RANGAP1: variants seen among roughly 807,000 people sequenced by gnomAD.
The protein encoded by RANGAP1 is Ran GTPase activating protein 1.
Under a neutral mutation model 63.5 loss-of-function variants are expected in RANGAP1, and 38 were observed. The observed-to-expected ratio is 0.60, with a 90% confidence interval of 0.46 to 0.78. RANGAP1 has a LOEUF of 0.78. RANGAP1 is among the 30% of genes least tolerant of loss of function. The probability of loss-of-function intolerance (pLI) is 0.00; values close to 1 mark genes in which losing one functional copy is unlikely to be tolerated. For missense variants in RANGAP1, 630 were observed against 740.3 expected, an observed-to-expected ratio of 0.85 and a Z score of 1.73; for synonymous variants, 329 against 310.5, an observed-to-expected ratio of 1.06 and a Z score of -0.63.
chr22:41,270,304 C>G (rs1341902291), intron 3 of RANGAP1, among the ~76,000 whole-genome samples: 1 of 151,982 alleles, frequency 6.6e-6, no homozygotes, highest in Non-Finnish European at 1.5e-5. Context: ...CCGCGCCCAG[C>G]TAATTTTTAT....
intron 12 of RANGAP1, among the ~76,000 whole-genome samples, chr22:41,251,720 A>G (rs1000256056): frequency 6.6e-6 from 1 of 152,194 alleles, no homozygotes; most frequent in Non-Finnish European, 1.5e-5. Context: ...CAATACTCAC[A>G]TGCAGAAACG....
At chr22:41,285,436 G>T in intron 1 of RANGAP1, 1 of 916,484 alleles carries the variant, frequency 1.1e-6, no homozygotes, top group Non-Finnish European at 1.3e-6. Context: ...CAGCGCCAGA[G>T]CAAAAGCAAA....
At chr22:41,251,779 G>A (rs930315921) in intron 12 of RANGAP1, among the ~76,000 whole-genome samples, 6 of 152,134 alleles carry the variant, frequency 3.9e-5, no homozygotes, top group African/African-American at 7.2e-5. Context: ...GTCAGAAACA[G>A]TGCCTGGCTT....
Position 41,246,550 on chromosome 22 carries a change from G to A in RANGAP1, c.*53C>T, listed in dbSNP as rs1221043738. 19 of 1,477,438 alleles carry A rather than the reference G, an allele frequency of 1.3e-5. No homozygotes were observed. Among genetic ancestry groups the A allele is most frequent in the Non-Finnish European group, 1.6e-5 (17 of 1,079,886 alleles). 91.5% of individuals were successfully genotyped at this position (1,477,438 alleles called of 1,614,324 possible). On this transcript the variant is annotated 3_prime_UTR_variant, in exon 16 of 16. Transcript: ENST00000356244. ...GCGTAGGCTGCGCCTCAGTTCATCC[G>A]AGTCCCTCCCCAGCTCACTGGTCCA...
chr22:41,290,488 C>T (rs1256414534), upstream of RANGAP1, among the ~76,000 whole-genome samples: 1 of 152,094 alleles, frequency 6.6e-6, no homozygotes, highest in East Asian at 1.9e-4. Flanking sequence ...CTTGGCTTCC[C>T]AAAGTGCTGG....
intron 2 of RANGAP1, among the ~76,000 whole-genome samples, chr22:41,276,914 A>G (rs1273231606): frequency 6.8e-6 from 1 of 147,062 alleles, no homozygotes; most frequent in East Asian, 2.2e-4. Context: ...GGGACCCAGG[A>G]GGCGGAGGTA....
intron 1 of RANGAP1, among the ~76,000 whole-genome samples, chr22:41,284,538 A>T (rs1239913875): frequency 6.6e-6 from 1 of 151,788 alleles, no homozygotes; most frequent in Non-Finnish European, 1.5e-5. Context: ...TTGCACTCCA[A>T]CGTGGGCAAC....
At chr22:41,273,766 C>CAAAAAAAAAAAACAAAAAA (rs2034973276) in intron 3 of RANGAP1, among the ~76,000 whole-genome samples, 1 of 24,350 alleles carries the variant, frequency 4.1e-5, no homozygotes, top group Non-Finnish European at 7.1e-5. Context: ...GACTCCATCT[C>CAAAAAAAAAAAACAAAAAA]AAAAAAAAAA....
chr22:41,274,814 C>G, intron 2 of RANGAP1, 87 bp from the exon 3 acceptor site: 1 of 1,547,080 alleles, frequency 6.5e-7, no homozygotes. Context: ...CCTTGCCACT[C>G]AACAGTCTAT....
chr22:41,300,127 G>A, the RANGAP1 span, among the ~76,000 whole-genome samples: 2 of 151,852 alleles, frequency 1.3e-5, no homozygotes, highest in Admixed American at 1.3e-4. Context: ...ACCATCTTAG[G>A]CAGCCCAAAC....
At chr22:41,264,994 T>C (rs1173641513) in intron 4 of RANGAP1, 151 bp from the exon 5 acceptor site, 29 of 770,256 alleles carry the variant, frequency 3.8e-5, no homozygotes, top group Non-Finnish European at 5.4e-5. Context: ...TTCTTAAGAC[T>C]GGAAACCCTG....
In RANGAP1 at chr22:41,261,549, C is replaced by T. The variant is rs376365675; in HGVS notation, c.512G>A (p.Arg171Gln). The T allele has an allele frequency of 1.5e-5, 25 of 1,614,118 alleles. No individual in the cohort carries two copies. Among genetic ancestry groups the T allele is most frequent in the African/African-American group, 5.3e-5 (4 of 74,942 alleles). ...ILAAALTECH[R>Q]KSSAQGKPLA... ...AGGCTTGCCTTGGGCACTGGATTTC[C>T]GGTGACATTCGGTCAGAGCTGCAGC... The change falls in exon 6 of 16, where the codon CGG (arginine) becomes CAG (glutamine). Residue 171 changes from arginine (R) to glutamine (Q), a missense_variant. Arg to Gln is a conservative substitution (Grantham distance 43). Transcript: ENST00000356244.
At chr22:41,300,256 G>C in the RANGAP1 span, among the ~76,000 whole-genome samples, 25 of 151,824 alleles carry the variant, frequency 1.6e-4, no homozygotes, top group South Asian at 1.5e-3. Context: ...AGCAACCTGG[G>C]GTGGTGGAAT....
intron 15 of RANGAP1, among the ~76,000 whole-genome samples, chr22:41,246,995 G>A (rs552395729): frequency 1.2e-4 from 18 of 152,292 alleles, no homozygotes; most frequent in Non-Finnish European, 2.1e-4. Context: ...GCCCACTAGA[G>A]TCCAATCTGG....
At chr22:41,271,426 G>A (rs1171923954) in intron 3 of RANGAP1, among the ~76,000 whole-genome samples, 1 of 149,534 alleles carries the variant, frequency 6.7e-6, no homozygotes, top group Non-Finnish European at 1.5e-5. Context: ...GCCGGGTGCA[G>A]AGGCTCACGC....
At chr22:41,262,822 A>G (rs1379751371) in intron 5 of RANGAP1, among the ~76,000 whole-genome samples, 1 of 152,194 alleles carries the variant, frequency 6.6e-6, no homozygotes, top group Non-Finnish European at 1.5e-5. Flanking sequence ...CAGGAGTCCA[A>G]CTTGGGTATG....
chr22:41,246,533 T>C lies in RANGAP1; in HGVS notation c.*70A>G. ...TCCTGTCCAAGGCAATGGCGTAGGC[T>C]GCGCCTCAGTTCATCCGAGTCCCTC... On this transcript the variant is annotated 3_prime_UTR_variant, in exon 16 of 16. Transcript: ENST00000356244. 1 of 1,447,474 alleles carries C rather than the reference T, an allele frequency of 6.9e-7. No homozygotes were observed. Among genetic ancestry groups the C allele is most frequent in the South Asian group, 1.2e-5 (1 of 81,592 alleles). 89.7% of individuals were successfully genotyped at this position (1,447,474 alleles called of 1,614,324 possible).
rs1163034326 is a variant in RANGAP1 at position 41,245,542 on chromosome 22, G to A, written c.*1061C>T. 1 of 152,256 alleles carries A rather than the reference G, an allele frequency of 6.6e-6. No individual in the cohort carries two copies. The highest frequency in any genetic ancestry group is 2.4e-5 in the African/African-American group (1 of 41,464). The allele number at this position is 152,256 out of a possible 1,614,324, so 9.4% of individuals were successfully genotyped here. A position where few individuals can be genotyped will look rare whatever the true frequency, so the allele number is the denominator to read the frequency against. On this transcript the variant is annotated 3_prime_UTR_variant, in exon 16 of 16. Transcript: ENST00000356244. Reference sequence around the variant, plus strand: ...AGACTGCTGCGGGGCCGCATGCTCTGCCGAGGTGGGACTCCACGTACAACG... The same window carrying A: ...AGACTGCTGCGGGGCCGCATGCTCTACCGAGGTGGGACTCCACGTACAACG...
upstream of RANGAP1, chr22:41,286,327 C>A (rs1308928607): frequency 6.6e-6 from 1 of 152,310 alleles, no homozygotes; most frequent in Non-Finnish European, 1.5e-5. Flanking sequence ...CATCTGGGAG[C>A]GCGATGGGGC....
Sources: allele counts gnomAD v4.1 joint callset (sites outside exome capture counted in the v4.1 genomes callset), GRCh38; gene constraint gnomAD v4.1.1; transcripts MANE v1.5; gene names NCBI Gene and HGNC (gene_info 2026-07-23, HGNC 2026-07-21).